The following MECOM variants were observed in gnomAD, a reference collection of about 807,000 sequenced individuals.
The protein encoded by MECOM is histone-lysine N-methyltransferase MECOM.
A neutral mutation model predicts 116.3 loss-of-function variants in MECOM; 13 were observed. The ratio of observed to expected loss-of-function variants is 0.11; its 90% confidence interval spans 0.07 to 0.18. MECOM has a LOEUF of 0.18. Ranked by LOEUF, MECOM falls within the 10% of genes least tolerant of loss-of-function variation. The pLI is 1.00. For missense variants in MECOM, 1,299 were observed against 1,509.0 expected (o/e 0.86, Z 2.31); for synonymous variants, 528 against 535.2 (o/e 0.99, Z 0.19).
At position 169,560,075 on chromosome 3, in the gene MECOM, A is replaced by G. The variant is rs995488574; in HGVS notation, c.37+103261T>C. 1.1e-4 allele frequency among the ~76,000 whole-genome samples: 16 copies of G among 152,338 alleles called. No homozygotes were observed. The East Asian group carries it at 2.9e-3, about 28-fold the overall frequency. ...CCATGTTCTATAAGACAGTCACCCA[A>G]TGCTCAGGGCAGCATTTCTACCTTT... On this transcript the variant is annotated intron_variant, in intron 1 of 16. Transcript: ENST00000651503.
chr3:169,191,864 G>A (rs1371719749), intron 2 of MECOM, among the ~76,000 whole-genome samples: 1 of 152,006 alleles, frequency 6.6e-6, no homozygotes, highest in Non-Finnish European at 1.5e-5. Flanking sequence ...ACTAAAATCT[G>A]ATTTGGTGGA....
At chr3:169,192,316 A>G (rs1404375168) in intron 2 of MECOM, among the ~76,000 whole-genome samples, 6 of 152,096 alleles carry the variant, frequency 3.9e-5, no homozygotes, top group Non-Finnish European at 5.9e-5. Context: ...GTGATACACA[A>G]TATATCAAAT....
At chr3:169,283,574 A>T (rs1284690089) in intron 2 of MECOM, among the ~76,000 whole-genome samples, 1 of 152,168 alleles carries the variant, frequency 6.6e-6, no homozygotes, top group Non-Finnish European at 1.5e-5. Context: ...TGAAGATGAA[A>T]TTTCTAATTA....
intron 2 of MECOM, among the ~76,000 whole-genome samples, chr3:169,155,858 G>A: frequency 6.6e-6 from 1 of 152,246 alleles, no homozygotes; most frequent in East Asian, 1.9e-4. Context: ...CAGCGTTCAG[G>A]AGATGAAACA....
chr3:169,192,951 T>C (rs1467435565), intron 2 of MECOM, among the ~76,000 whole-genome samples: 1 of 151,978 alleles, frequency 6.6e-6, no homozygotes, highest in Admixed American at 6.6e-5. Flanking sequence ...AATGGCTCAA[T>C]AGCAACCTAG....
At chr3:169,319,491 G>A (rs1241409787) in intron 2 of MECOM, among the ~76,000 whole-genome samples, 1 of 152,004 alleles carries the variant, frequency 6.6e-6, no homozygotes, top group Non-Finnish European at 1.5e-5. Context: ...GTTGATGGGT[G>A]CAGCAAACCA....
At chr3:169,240,465 C>G (rs1042989794) in intron 2 of MECOM, among the ~76,000 whole-genome samples, 1 of 152,166 alleles carries the variant, frequency 6.6e-6, no homozygotes, top group African/African-American at 2.4e-5. Context: ...TAGGACATCA[C>G]TAAAAGGGAC....
chr3:169,531,595 C>T (rs552663192), intron 1 of MECOM, among the ~76,000 whole-genome samples: 1 of 152,240 alleles, frequency 6.6e-6, no homozygotes, highest in East Asian at 1.9e-4. Context: ...TGAACCCAGG[C>T]CTCCTAACTC....
intron 1 of MECOM, among the ~76,000 whole-genome samples, chr3:169,539,017 T>C (rs1759735249): frequency 6.6e-6 from 1 of 151,816 alleles, no homozygotes; most frequent in Non-Finnish European, 1.5e-5. Context: ...GAAATAAATA[T>C]TTTATAGATT....
intron 2 of MECOM, among the ~76,000 whole-genome samples, chr3:169,354,787 C>A (rs748706752): frequency 4.3e-5 from 6 of 140,022 alleles, no homozygotes; most frequent in Non-Finnish European, 9.0e-5. Flanking sequence ...TTCAGTTTTT[C>A]CCCCCCTTCC....
chr3:169,613,114 TAC>T, intron 1 of MECOM, among the ~76,000 whole-genome samples: 1 of 152,336 alleles, frequency 6.6e-6, no homozygotes, highest in Non-Finnish European at 1.5e-5. Flanking sequence ...ATTTCCACAG[TAC>T]AAAAATATTA....
At chr3:169,511,765 T>C (rs1300195695) in intron 1 of MECOM, among the ~76,000 whole-genome samples, 1 of 151,194 alleles carries the variant, frequency 6.6e-6, no homozygotes, top group Non-Finnish European at 1.5e-5. Context: ...TTAGACTCTG[T>C]CTTAAAAAAA....
intron 1 of MECOM, among the ~76,000 whole-genome samples, chr3:169,603,580 T>A (rs764318093): frequency 2.0e-5 from 3 of 152,194 alleles, no homozygotes; most frequent in Non-Finnish European, 4.4e-5. Context: ...TCCTGCAAGC[T>A]CCATGGGTAG....
intron 3 of MECOM, among the ~76,000 whole-genome samples, chr3:169,140,994 T>C (rs2149270371): frequency 6.6e-6 from 1 of 152,214 alleles, no homozygotes. Flanking sequence ...AGCACATTTA[T>C]TTTCTTTAAT....
At chr3:169,485,829 G>GTA (rs150596583) in intron 1 of MECOM, among the ~76,000 whole-genome samples, 3 of 134,364 alleles carry the variant, frequency 2.2e-5, no homozygotes, top group African/African-American at 6.1e-5. Flanking sequence ...ATATATATAT[G>GTA]TATATATATG....
At chr3:169,151,623 T>A (rs1322531101) in intron 2 of MECOM, among the ~76,000 whole-genome samples, 1 of 152,250 alleles carries the variant, frequency 6.6e-6, no homozygotes, top group Non-Finnish European at 1.5e-5. Flanking sequence ...CATGAAATAA[T>A]CTGAGAAATT....
intron 1 of MECOM, among the ~76,000 whole-genome samples, chr3:169,654,989 A>G (rs2110100228): frequency 6.6e-6 from 1 of 152,336 alleles, no homozygotes; most frequent in Admixed American, 6.5e-5. Flanking sequence ...CAAACTATAT[A>G]TTGCAGGCAG....
chr3:169,242,855 CTT>C lies in MECOM; in HGVS notation c.376-99025_376-99024del, dbSNP rs68094882. On this transcript the variant is annotated intron_variant, in intron 2 of 16. Coordinates refer to ENST00000651503, the MANE Select transcript of MECOM (RefSeq NM_004991.4). ...TTGGTTACATTCATTAGACTGCTTGCTTTTTTTTTTTTTTCTTTTCCTTAGCA... is the reference window on the plus strand; with the variant it reads ...TTGGTTACATTCATTAGACTGCTTGCTTTTTTTTTTTTCTTTTCCTTAGCA... 1.4e-3 allele frequency among the ~76,000 whole-genome samples: 206 copies of C among 142,410 alleles called. 1 individual carries two copies. The highest frequency in any genetic ancestry group is 5.0e-3 in the African/African-American group (194 of 39,082). 93.4% of individuals were successfully genotyped at this position (142,410 alleles called of 152,430 possible). A position where few individuals can be genotyped will look rare whatever the true frequency, so the allele number is the denominator to read the frequency against.
chr3:169,594,174 A>AAAAAAAAAAAAAAAAAAACAAAAAAC (rs1255613781), intron 1 of MECOM, among the ~76,000 whole-genome samples: 1 of 125,934 alleles, frequency 7.9e-6, no homozygotes, highest in Admixed American at 8.1e-5. Context: ...AAAAAAAAAA[A>AAAAAAAAAAAAAAAAAAACAAAAAAC]AACACCTTTT....
Sources: gnomAD v4.1 joint callset for allele counts (sites outside exome capture counted in the v4.1 genomes callset) on GRCh38, gnomAD v4.1.1 for gene constraint, MANE v1.5 for transcripts, NCBI Gene and HGNC (gene_info 2026-07-23, HGNC 2026-07-21) for gene names.